Variants in NCAM2 observed in about 807,000 individuals in gnomAD.
The protein encoded by NCAM2 is N-CAM-2.
NCAM2 carries 30 observed loss-of-function variants against 98.1 expected under a neutral mutation model. The ratio of observed to expected loss-of-function variants is 0.31; its 90% CI spans 0.23 to 0.41. NCAM2 has a LOEUF of 0.41. Ranked by LOEUF, NCAM2 falls within the 10% of genes least tolerant of loss-of-function variation. The probability of loss-of-function intolerance (pLI) is 1.00; values close to 1 mark genes in which losing one functional copy is unlikely to be tolerated. For synonymous variants in NCAM2, 368 were observed against 342.4 expected, an observed-to-expected ratio of 1.07 and a Z score of -0.83; for missense variants, 867 against 1,005.8, an observed-to-expected ratio of 0.86 and a Z score of 1.87.
intron 5 of NCAM2, among the ~76,000 whole-genome samples, chr21:21,323,919 A>G (rs530626600): frequency 2.0e-5 from 3 of 152,310 alleles, no homozygotes; most frequent in Admixed American, 6.5e-5. Flanking sequence ...ACACAGACCA[A>G]TGAGAAGCCA....
Position 21,338,540 on chromosome 21 carries a change from C to T in NCAM2, c.1044+6C>T, listed in dbSNP as rs777797290. On this transcript the variant is annotated splice_donor_region_variant and intron_variant, in intron 8 of 17. Transcript: ENST00000400546. ...CGTTCACTGAAGGCGATAAGGTAAC[C>T]ACATCTCAATATGTAATGGTTTCCA... 6.3e-7 allele frequency: 1 copy of T among 1,596,538 alleles called. No individual in the cohort carries two copies. Among genetic ancestry groups the T allele is most frequent in the African/African-American group, 1.4e-5 (1 of 73,714 alleles).
At chr21:21,229,247 A>G (rs2070518394) in intron 1 of NCAM2, among the ~76,000 whole-genome samples, 1 of 151,554 alleles carries the variant, frequency 6.6e-6, no homozygotes, top group Admixed American at 6.6e-5. Flanking sequence ...TAATATCTTA[A>G]TAACCTATGT....
At chr21:21,050,507 A>G (rs1489850208) in intron 1 of NCAM2, among the ~76,000 whole-genome samples, 6 of 152,070 alleles carry the variant, frequency 3.9e-5, no homozygotes, top group Admixed American at 6.6e-5. Flanking sequence ...TCGTATTCCA[A>G]CTCAGTGATG....
intron 5 of NCAM2, among the ~76,000 whole-genome samples, chr21:21,292,480 G>T (rs1181803556): frequency 1.3e-5 from 2 of 151,826 alleles, no homozygotes; most frequent in Non-Finnish European, 2.9e-5. Flanking sequence ...CTATATGTGA[G>T]TAATTGCCTT....
Position 21,468,690 on chromosome 21 carries a change from A to G in NCAM2, c.1803A>G (p.Gly601=), listed in dbSNP as rs1395637818. 2 of 1,611,916 alleles carry G rather than the reference A, an allele frequency of 1.2e-6. No homozygotes were observed. Among genetic ancestry groups the G allele is most frequent in the Admixed American group, 1.7e-5 (1 of 59,740 alleles). The change falls in exon 14 of 18, where the codon GGA becomes GGG. Residue 601 remains glycine (G), a synonymous_variant. Transcript: ENST00000400546. The part of the protein sequence containing the change: ...VREPSPPSIH[G]QPSSGKSFKL... Reference sequence around the variant, plus strand: ...AACCAAGTCCTCCATCCATACATGGACAGCCAAGCAGTGGAAAGAGCTTTA... The same window carrying G: ...AACCAAGTCCTCCATCCATACATGGGCAGCCAAGCAGTGGAAAGAGCTTTA...
rs765599002 is a variant in NCAM2 at position 21,410,341 on chromosome 21, T to C, written c.1263T>C (p.Ser421=). Residue 421 remains serine, a synonymous_variant, in exon 10 of 18, where the codon AGT becomes AGC. Transcript: ENST00000400546. ...YSWEGNPINI[S]CDVKSNPPAS... Reference sequence around the variant, plus strand: ...GGGAAGGAAATCCTATCAATATAAGTTGTGATGTGAAATCGAATCCACCAG... The same window carrying C: ...GGGAAGGAAATCCTATCAATATAAGCTGTGATGTGAAATCGAATCCACCAG... 2 of 1,604,186 alleles carry C rather than the reference T, an allele frequency of 1.2e-6. No individual in the cohort carries two copies. Among genetic ancestry groups the C allele is most frequent in the Non-Finnish European group, 1.7e-6 (2 of 1,174,566 alleles).
At chr21:21,467,755 G>A (rs1290160128) in intron 13 of NCAM2, among the ~76,000 whole-genome samples, 1 of 105,466 alleles carries the variant, frequency 9.5e-6, no homozygotes, top group Non-Finnish European at 2.2e-5. Context: ...GGGAGGCTGA[G>A]GTGAGAGGTG....
chr21:21,345,052 G>A (rs935192561), intron 8 of NCAM2, among the ~76,000 whole-genome samples: 2 of 152,110 alleles, frequency 1.3e-5, no homozygotes, highest in Non-Finnish European at 2.9e-5. Flanking sequence ...GAGTCTGCAA[G>A]AACCTCAACA....
chr21:21,508,809 T>TTTTTTTTC, intron 15 of NCAM2, 42 bp from the exon 16 acceptor site: 1 of 141,536 alleles, frequency 7.1e-6, no homozygotes, highest in Non-Finnish European at 8.2e-6. Flanking sequence ...CTTTTTTTCC[T>TTTTTTTTC]TTTTTTTTTT....
At chr21:21,354,648 A>G (rs1054236774) in intron 8 of NCAM2, among the ~76,000 whole-genome samples, 3 of 152,224 alleles carry the variant, frequency 2.0e-5, no homozygotes, top group African/African-American at 7.2e-5. Context: ...TACAAAATTT[A>G]GCTATGAAAT....
chr21:21,182,960 C>T (rs569716331), intron 1 of NCAM2, among the ~76,000 whole-genome samples: 1 of 152,038 alleles, frequency 6.6e-6, no homozygotes, highest in African/African-American at 2.4e-5. Flanking sequence ...TTTTTAAAAC[C>T]AAATTTTGAA....
intron 1 of NCAM2, among the ~76,000 whole-genome samples, chr21:21,103,857 C>T (rs1569026339): frequency 6.6e-6 from 1 of 152,044 alleles, no homozygotes; most frequent in Non-Finnish European, 1.5e-5. Context: ...ATTATCGATA[C>T]ATCTTGATGA....
At chr21:21,252,578 CAT>C in intron 1 of NCAM2, among the ~76,000 whole-genome samples, 1 of 152,070 alleles carries the variant, frequency 6.6e-6, no homozygotes, top group East Asian at 1.9e-4. Context: ...ACAAGAGTGA[CAT>C]ATGTAGAGCT....
At chr21:21,207,217 T>G (rs1047497233) in intron 1 of NCAM2, among the ~76,000 whole-genome samples, 3 of 152,262 alleles carry the variant, frequency 2.0e-5, no homozygotes, top group African/African-American at 7.2e-5. Flanking sequence ...AAAATAAAAT[T>G]TGTCTTATTC....
chr21:21,207,045 A>G (rs2069462126), intron 1 of NCAM2, among the ~76,000 whole-genome samples: 1 of 152,150 alleles, frequency 6.6e-6, no homozygotes, highest in South Asian at 2.1e-4. Context: ...GAATTTTCAC[A>G]TTTACTTTAG....
chr21:21,534,741 ATATT>A (rs1806167851), intron 17 of NCAM2, 85 bp downstream of exon 17: 1 of 1,157,118 alleles, frequency 8.6e-7, no homozygotes, highest in African/African-American at 1.6e-5. Context: ...ACATATTTAA[ATATT>A]AATTATTTGT....
chr21:21,406,656 T>A (rs563184295), intron 9 of NCAM2, among the ~76,000 whole-genome samples: 4 of 152,284 alleles, frequency 2.6e-5, no homozygotes, highest in Admixed American at 2.6e-4. Flanking sequence ...CTATTCAAAT[T>A]TATCTTAACT....
At chr21:21,330,812 A>T (rs1482547299) in intron 6 of NCAM2, among the ~76,000 whole-genome samples, 2 of 152,150 alleles carry the variant, frequency 1.3e-5, no homozygotes, top group Admixed American at 6.5e-5. Flanking sequence ...AAATGATACC[A>T]TATAGAACTT....
chr21:21,081,462 C>T (rs1471049111), intron 1 of NCAM2, among the ~76,000 whole-genome samples: 1 of 152,076 alleles, frequency 6.6e-6, no homozygotes, highest in African/African-American at 2.4e-5. Flanking sequence ...CCTGCCTATT[C>T]CTGACTAGCT....
Sources: gnomAD v4.1 joint callset for allele counts (sites outside exome capture counted in the v4.1 genomes callset) on GRCh38, gnomAD v4.1.1 for gene constraint, MANE v1.5 for transcripts, NCBI Gene and HGNC (gene_info 2026-07-23, HGNC 2026-07-21) for gene names.